Variants in KCTD18 observed in about 807,000 individuals in gnomAD.
KCTD18 encodes the protein BTB/POZ domain-containing protein KCTD18.
In KCTD18, 22 loss-of-function variants were observed where a neutral mutation model predicts 30.4. The observed-to-expected ratio is 0.72, with a 90% CI of 0.52 to 1.03. The LOEUF (loss-of-function observed/expected upper bound fraction) is 1.03. Ranked by LOEUF, KCTD18 falls within the 50% of genes least tolerant of loss-of-function variation. KCTD18 has a pLI of 0.00. For missense variants in KCTD18, 529 were observed against 547.6 expected, an observed-to-expected ratio of 0.97 and a Z score of 0.34; for synonymous variants, 186 against 209.0, an observed-to-expected ratio of 0.89 and a Z score of 0.95.
chr2:200,506,807 A>G, intron 2 of KCTD18, 50 bp downstream of exon 2: 2 of 1,548,440 alleles, frequency 1.3e-6, no homozygotes, highest in Non-Finnish European at 1.8e-6. Flanking sequence ...GGGAACTTAA[A>G]CTGGTGTTAA....
At chr2:200,501,675 T>G (rs2088086965) in intron 3 of KCTD18, among the ~76,000 whole-genome samples, 1 of 145,288 alleles carries the variant, frequency 6.9e-6, no homozygotes, top group Non-Finnish European at 1.5e-5. Flanking sequence ...AGGAACACTT[T>G]TACACTGTTG....
intron 6 of KCTD18, 41 bp from the exon 7 acceptor site, chr2:200,490,657 T>G (rs752339754): frequency 2.2e-5 from 33 of 1,524,628 alleles, no homozygotes; most frequent in African/African-American, 1.7e-4. Context: ...ATGTATAGTT[T>G]TAGTAACTCA....
Position 200,490,731 on chromosome 2 carries a change from T to TC in KCTD18, c.765-116dup, listed in dbSNP as rs1265608187. On this transcript the variant is annotated intron_variant, in intron 6 of 6. Transcript: ENST00000359878. ...AAGGTTTTGGTCAAGAATTAAAGAG[T>TC]CAAGAGGTTTATGGGCACCTACCTC... 3.4e-6 allele frequency: 4 copies of TC among 1,190,852 alleles called. No individual in the cohort carries two copies. The Admixed American group carries it at 1.0e-4, about 31-fold the overall frequency. 73.8% of individuals were successfully genotyped at this position (1,190,852 alleles called of 1,614,324 possible).
chr2:200,507,201 A>G (rs1055330604), intron 1 of KCTD18, 110 bp from the exon 2 acceptor site: 2 of 422,248 alleles, frequency 4.7e-6, no homozygotes, highest in Non-Finnish European at 4.1e-6. Context: ...TACTGGCATT[A>G]TTGAATTGAA....
At chr2:200,496,558 A>C (rs2088000860) in intron 5 of KCTD18, 1 of 151,356 alleles carries the variant, frequency 6.6e-6, no homozygotes. Context: ...GCAATGGTAC[A>C]ATCTCAGCTT....
chr2:200,491,240 G>C (rs538763669), intron 6 of KCTD18, among the ~76,000 whole-genome samples: 44 of 152,228 alleles, frequency 2.9e-4, no homozygotes, highest in African/African-American at 1.0e-3. Context: ...GGCATCTCTT[G>C]CTGTCTCTCA....
chr2:200,507,300 T>C (rs2030255238), intron 1 of KCTD18, among the ~76,000 whole-genome samples: 1 of 152,208 alleles, frequency 6.6e-6, no homozygotes, highest in African/African-American at 2.4e-5. Flanking sequence ...AATAAACGAC[T>C]AACAACCCAA....
chr2:200,497,949 G>GA (rs2088021885), intron 4 of KCTD18, 102 bp from the exon 5 acceptor site: 1 of 797,256 alleles, frequency 1.3e-6, no homozygotes, highest in African/African-American at 1.7e-5. Flanking sequence ...TTAATTAAGG[G>GA]AAAAAACATG....
At position 200,490,211 on chromosome 2, in the gene KCTD18, G is replaced by A. The variant is rs1398226745; in HGVS notation, c.1170C>T (p.Cys390=). 2 of 1,614,114 alleles carry A rather than the reference G, an allele frequency of 1.2e-6. No homozygotes were observed. The highest frequency in any genetic ancestry group is 8.5e-7 in the Non-Finnish European group (1 of 1,179,922). ...KRTPLCATAP[C]LPSPTATRQA... ...GCCTCGTGGCCGTGGGGGAGGGCAG[G>A]CAAGGCGCGGTGGCGCACAGCGGAG... Residue 390 remains cysteine, a synonymous_variant, in exon 7 of 7, where the codon TGC becomes TGT. Coordinates refer to ENST00000359878, the MANE Select transcript of KCTD18 (RefSeq NM_152387.4).
chr2:200,500,574 G>A (rs1285538560), intron 3 of KCTD18, among the ~76,000 whole-genome samples: 1 of 150,216 alleles, frequency 6.7e-6, no homozygotes, highest in African/African-American at 2.5e-5. Flanking sequence ...CAACTTACAA[G>A]GGATGTGAAG....
Position 200,490,351 on chromosome 2 carries a change from G to A in KCTD18, c.1030C>T (p.Gln344Ter). The A allele has an allele frequency of 6.2e-7, 1 of 1,614,240 alleles. No homozygotes were observed. The highest frequency in any genetic ancestry group is 8.5e-7 in the Non-Finnish European group (1 of 1,180,040). ...GCGCTCGCAGCCCCAGGGGAAGCCT[G>A]AGGATGCCCAGGTGCCCCCGTGCCC... Reference protein sequence around the residue: ...LVGTGAPGHPQASPGAASAEN... With the variant: ...LVGTGAPGHP The change falls in exon 7 of 7, where the codon CAG becomes TAG. Residue 344 changes from glutamine (Q) to a stop codon, truncating the protein, a stop_gained. Coordinates refer to ENST00000359878, the MANE Select transcript of KCTD18 (RefSeq NM_152387.4). LOFTEE classifies it low-confidence loss of function (END_TRUNC).
At chr2:200,502,065 C>T (rs1425550705) in intron 3 of KCTD18, among the ~76,000 whole-genome samples, 1 of 150,446 alleles carries the variant, frequency 6.6e-6, no homozygotes. Context: ...CATATTCTTA[C>T]TTATAGGTGG....
Position 200,489,806 on chromosome 2 carries a change from A to G in KCTD18, c.*294T>C, listed in dbSNP as rs2087876740. On this transcript the variant is annotated 3_prime_UTR_variant, in exon 7 of 7. Transcript: ENST00000359878. ...AACAAAGTGGACCTCTCTAGAGATT[A>G]TTTGTTGTACTGTCTTGTTGCCTTA... 2 of 347,802 alleles carry G rather than the reference A, an allele frequency of 5.8e-6. No individual in the cohort carries two copies. The highest frequency in any genetic ancestry group is 5.2e-6 in the Non-Finnish European group (1 of 193,146). 21.5% of individuals were successfully genotyped at this position (347,802 alleles called of 1,614,324 possible).
chr2:200,491,943 C>T (rs1234976643), intron 6 of KCTD18, among the ~76,000 whole-genome samples: 1 of 152,144 alleles, frequency 6.6e-6, no homozygotes, highest in African/African-American at 2.4e-5. Context: ...ATATTCAACC[C>T]TAAATCCCTA....
At chr2:200,504,675 C>CTATG (rs2030063745) in intron 3 of KCTD18, 73 bp downstream of exon 3, 1 of 1,030,192 alleles carries the variant, frequency 9.7e-7, no homozygotes, top group Admixed American at 2.4e-5. Flanking sequence ...AAAACACAGG[C>CTATG]TATGCAAAAT....
chr2:200,506,995 C>A lies in KCTD18; in HGVS notation c.22G>T (p.Glu8Ter), dbSNP rs776252387. Residue 8 changes from glutamate to a stop codon, truncating the protein, a stop_gained, in exon 2 of 7, where the codon GAA (glutamate) becomes TAA (stop). Transcript: ENST00000359878. LOFTEE classifies it high-confidence loss of function. MEGHKAEEEVLDVLRLNV... is the reference protein window; with the variant it reads MEGHKAE Reference sequence around the variant, plus strand: ...AGTCGGAGAACATCTAGCACCTCTTCTTCTGCCTTGTGGCCTTCCATTTCT... The same window carrying A: ...AGTCGGAGAACATCTAGCACCTCTTATTCTGCCTTGTGGCCTTCCATTTCT... 1.6e-5 allele frequency: 25 copies of A among 1,611,622 alleles called. No individual in the cohort carries two copies. Among genetic ancestry groups the A allele is most frequent in the Non-Finnish European group, 2.0e-5 (24 of 1,178,312 alleles).
intron 3 of KCTD18, among the ~76,000 whole-genome samples, chr2:200,499,570 C>A (rs1304229888): frequency 6.6e-6 from 1 of 151,968 alleles, no homozygotes; most frequent in Non-Finnish European, 1.5e-5. Flanking sequence ...TCTCCCAAGA[C>A]TAAACCAGGA....
intron 2 of KCTD18, among the ~76,000 whole-genome samples, chr2:200,506,106 T>C (rs996888528): frequency 8.5e-5 from 13 of 152,146 alleles, no homozygotes; most frequent in Non-Finnish European, 1.9e-4. Context: ...ACCAGAGTTA[T>C]TAACAGTAAA....
intron 5 of KCTD18, among the ~76,000 whole-genome samples, 167 bp from the exon 6 acceptor site, chr2:200,493,441 G>A (rs2087952680): frequency 6.6e-6 from 1 of 152,226 alleles, no homozygotes; most frequent in Admixed American, 6.5e-5. Flanking sequence ...GCTAGGGCCA[G>A]GGAGCAACAC....
Sources: allele counts gnomAD v4.1 joint callset (sites outside exome capture counted in the v4.1 genomes callset), GRCh38; gene constraint gnomAD v4.1.1; transcripts MANE v1.5; gene names NCBI Gene and HGNC (gene_info 2026-07-23, HGNC 2026-07-21).